COLEC10: variants seen among roughly 807,000 people sequenced by gnomAD.
COLEC10 encodes the protein collectin-10.
Under a neutral mutation model 28.4 loss-of-function variants are expected in COLEC10, and 22 were observed. That is an observed-to-expected ratio of 0.78 (90% confidence interval 0.55 to 1.11). The LOEUF (loss-of-function observed/expected upper bound fraction) is 1.11, where lower values mean the gene tolerates loss of function less well. Ranked by LOEUF, COLEC10 falls within the 50% of genes least tolerant of loss-of-function variation. The pLI is 0.00. For synonymous variants in COLEC10, 125 were observed against 116.1 expected (o/e 1.08, Z -0.49); for missense variants, 361 against 344.1 (o/e 1.05, Z -0.39).
At chr8:119,027,375 A>G (rs1214974776) in intron 2 of COLEC10, among the ~76,000 whole-genome samples, 1 of 152,140 alleles carries the variant, frequency 6.6e-6, no homozygotes, top group Non-Finnish European at 1.5e-5. Flanking sequence ...TCTAGTCTCA[A>G]TGATATTTCC....
At chr8:118,982,030 T>G in the COLEC10 span, among the ~76,000 whole-genome samples, 1 of 152,086 alleles carries the variant, frequency 6.6e-6, no homozygotes, top group Non-Finnish European at 1.5e-5. Flanking sequence ...GATAGTTTTA[T>G]TGTTAATTAT....
Position 119,107,017 on chromosome 8 carries a change from GC to G in COLEC10, c.*829del, listed in dbSNP as rs1032559036. ...CTGGTTATAGTTCTCTTGCTAAATTGCCCACTGCTATTAACTTAACTTCATT... is the reference window on the plus strand; with the variant it reads ...CTGGTTATAGTTCTCTTGCTAAATTGCCACTGCTATTAACTTAACTTCATT... On this transcript the variant is annotated 3_prime_UTR_variant, in exon 6 of 6. Coordinates refer to ENST00000332843, the MANE Select transcript of COLEC10 (RefSeq NM_006438.5). Among the ~76,000 whole-genome samples the G allele has an allele frequency of 6.6e-6, 1 of 152,050 alleles. No homozygotes were observed. The highest frequency in any genetic ancestry group is 1.5e-5 in the Non-Finnish European group (1 of 68,010).
chr8:118,961,277 C>T, the COLEC10 span, among the ~76,000 whole-genome samples: 1 of 152,186 alleles, frequency 6.6e-6, no homozygotes, highest in Non-Finnish European at 1.5e-5. Flanking sequence ...TCTAGATTCT[C>T]TCAAAAATCC....
At chr8:119,009,721 A>G (rs888570689) in intron 2 of COLEC10, among the ~76,000 whole-genome samples, 3 of 150,622 alleles carry the variant, frequency 2.0e-5, no homozygotes, top group African/African-American at 7.5e-5. Flanking sequence ...TGGGTAAATC[A>G]CCTTTGATCT....
chr8:119,094,614 C>A (rs1815674233), intron 3 of COLEC10, among the ~76,000 whole-genome samples: 3 of 152,230 alleles, frequency 2.0e-5, no homozygotes, highest in Admixed American at 1.3e-4. Context: ...ACCTTCCTCC[C>A]AAGTCATCCA....
the COLEC10 span, among the ~76,000 whole-genome samples, chr8:118,968,093 A>G: frequency 0.21 from 32,270 of 151,952 alleles, 3,502 homozygotes; most frequent in Middle Eastern, 0.35. Flanking sequence ...AAAATTAGAT[A>G]TTTGTTTTAG....
chr8:119,077,339 A>T (rs1815264278), intron 1 of COLEC10, among the ~76,000 whole-genome samples: 1 of 143,400 alleles, frequency 7.0e-6, no homozygotes, highest in South Asian at 2.2e-4. Flanking sequence ...CCAATGTTAA[A>T]TTTTTTTCTG....
At chr8:119,025,956 C>G (rs956032618) in intron 2 of COLEC10, among the ~76,000 whole-genome samples, 1 of 152,132 alleles carries the variant, frequency 6.6e-6, no homozygotes, top group Non-Finnish European at 1.5e-5. Context: ...TTGCTCATGT[C>G]TTCCTATCAC....
rs1361153050 is a variant in COLEC10, at chr8:119,096,225, C to T, written c.292+5005C>T. Among the ~76,000 whole-genome samples, 3 of 152,022 alleles carry T rather than the reference C, an allele frequency of 2.0e-5. No individual in the cohort carries two copies. In the East Asian group the frequency reaches 5.8e-4, roughly 29 times the overall value. The stretch of plus-strand genomic sequence containing the variant: ...TCTATATTTTTGATCCTAGGGTAGC[C>T]AACACGTTTTTAAACAGGATATGAC... On this transcript the variant is annotated intron_variant, in intron 3 of 5. Transcript: ENST00000332843.
chr8:118,958,393 C>A, the COLEC10 span, among the ~76,000 whole-genome samples: 3,487 of 152,282 alleles, frequency 0.023, 122 homozygotes, highest in African/African-American at 0.078. Context: ...TCCACTAAAG[C>A]TTAAGTCACA....
At chr8:118,980,223 A>G in the COLEC10 span, among the ~76,000 whole-genome samples, 1 of 142,168 alleles carries the variant, frequency 7.0e-6, no homozygotes, top group Admixed American at 7.1e-5. Flanking sequence ...TTTTTTTGAG[A>G]CAGTTTTTCT....
chr8:118,975,387 C>T, the COLEC10 span, among the ~76,000 whole-genome samples: 1 of 152,010 alleles, frequency 6.6e-6, no homozygotes, highest in Non-Finnish European at 1.5e-5. Flanking sequence ...ATCTTACGGA[C>T]AATTTTTGTG....
chr8:119,002,534 C>A (rs1813720820), intron 1 of COLEC10, among the ~76,000 whole-genome samples: 1 of 152,004 alleles, frequency 6.6e-6, no homozygotes, highest in Non-Finnish European at 1.5e-5. Context: ...GGGCCAGGAC[C>A]CAACTGTTAA....
At chr8:118,979,691 T>A in the COLEC10 span, among the ~76,000 whole-genome samples, 1 of 152,162 alleles carries the variant, frequency 6.6e-6, no homozygotes, top group Non-Finnish European at 1.5e-5. Flanking sequence ...AAATGTCATT[T>A]CAAGTATTGT....
chr8:119,101,150 A>G (rs1026226755), intron 3 of COLEC10, among the ~76,000 whole-genome samples: 3 of 152,044 alleles, frequency 2.0e-5, no homozygotes, highest in African/African-American at 7.2e-5. Context: ...CCTTAATACC[A>G]ACTCCATTCC....
intron 5 of COLEC10, among the ~76,000 whole-genome samples, chr8:119,104,759 A>C (rs1397395813): frequency 6.6e-6 from 1 of 152,168 alleles, no homozygotes; most frequent in African/African-American, 2.4e-5. Context: ...CACTAATTAT[A>C]ACTTTGGTTG....
chr8:118,998,269 A>G (rs1471324362), intron 1 of COLEC10, among the ~76,000 whole-genome samples: 2 of 152,156 alleles, frequency 1.3e-5, no homozygotes, highest in Non-Finnish European at 2.9e-5. Context: ...AGAGACAGTA[A>G]ATATTTCAAT....
In COLEC10 at chr8:119,013,522, A is replaced by G. The variant is rs573807401; in HGVS notation, n.235+3969A>G. 1.3e-4 allele frequency among the ~76,000 whole-genome samples: 19 copies of G among 150,930 alleles called. 1 individual carries two copies. The East Asian group carries it at 1.9e-3, about 15-fold the overall frequency. ...GAGTTCAACTCAATGTCCTTATACT[A>G]TATCCTTACTGATTTTCTGCTTCCT... is the stretch of plus-strand genomic sequence containing the variant. On this transcript the variant is annotated intron_variant and non_coding_transcript_variant, in intron 2 of 6. Transcript: ENST00000521788.
intron 2 of COLEC10, among the ~76,000 whole-genome samples, chr8:119,027,937 G>A (rs1342419047): frequency 5.9e-5 from 9 of 152,142 alleles, no homozygotes; most frequent in Admixed American, 5.9e-4. Flanking sequence ...TCATAACTCA[G>A]TTCACATTAG....
Sources: allele counts gnomAD v4.1 joint callset (sites outside exome capture counted in the v4.1 genomes callset), GRCh38; gene constraint gnomAD v4.1.1; transcripts MANE v1.5; gene names NCBI Gene and HGNC (gene_info 2026-07-23, HGNC 2026-07-21).